The following COL24A1 variants were observed in gnomAD, a reference collection of about 807,000 sequenced individuals.
The protein encoded by COL24A1 is collagen alpha-1(XXIV) chain.
A neutral mutation model predicts 253.9 loss-of-function variants in COL24A1; 224 were observed. The observed-to-expected ratio is 0.88, with a 90% CI of 0.79 to 0.99. The LOEUF (loss-of-function observed/expected upper bound fraction) is 0.99. COL24A1 is among the 50% of genes least tolerant of loss of function. The pLI is 0.00. For missense variants in COL24A1, 2,131 were observed against 2,068.5 expected, an observed-to-expected ratio of 1.03 and a Z score of -0.59; for synonymous variants, 685 against 673.7, an observed-to-expected ratio of 1.02 and a Z score of -0.26.
intron 12 of COL24A1, among the ~76,000 whole-genome samples, chr1:86,037,350 T>C (rs1202967727): frequency 6.6e-6 from 1 of 152,178 alleles, no homozygotes; most frequent in Non-Finnish European, 1.5e-5. Context: ...CATGATTATG[T>C]TACACTATAT....
At chr1:85,987,745 C>T (rs1693853390) in intron 19 of COL24A1, 91 bp from the exon 20 acceptor site, 1 of 1,029,460 alleles carries the variant, frequency 9.7e-7, no homozygotes. Context: ...TCCTCCATAT[C>T]CAGTTAAAGC....
At chr1:85,877,823 T>C (rs963792238) in intron 32 of COL24A1, among the ~76,000 whole-genome samples, 5 of 152,220 alleles carry the variant, frequency 3.3e-5, no homozygotes, top group Non-Finnish European at 7.3e-5. Flanking sequence ...AGGTATCTTA[T>C]CTAATGTATG....
chr1:85,794,572 G>A (rs999230245), intron 47 of COL24A1, among the ~76,000 whole-genome samples: 1 of 152,114 alleles, frequency 6.6e-6, no homozygotes, highest in Admixed American at 6.5e-5. Flanking sequence ...AGAGTGTTCT[G>A]TTCAACGTTC....
chr1:85,907,028 A>G (rs151157156), intron 28 of COL24A1, among the ~76,000 whole-genome samples, 166 bp downstream of exon 28: 2 of 152,076 alleles, frequency 1.3e-5, no homozygotes, highest in African/African-American at 4.8e-5. Context: ...TATGAGTTGT[A>G]TTTCAATTAA....
At chr1:85,795,889 T>C (rs1325284939) in intron 47 of COL24A1, among the ~76,000 whole-genome samples, 1 of 152,150 alleles carries the variant, frequency 6.6e-6, no homozygotes, top group East Asian at 1.9e-4. Context: ...AAAACACTTC[T>C]GTTTAAGTAG....
chr1:86,121,009 G>A (rs1647251195), intron 3 of COL24A1, among the ~76,000 whole-genome samples: 1 of 152,118 alleles, frequency 6.6e-6, no homozygotes, highest in South Asian at 2.1e-4. Flanking sequence ...GGATGAAGCT[G>A]GAACCATCAT....
intron 11 of COL24A1, among the ~76,000 whole-genome samples, chr1:86,047,647 T>C (rs1251620551): frequency 2.0e-5 from 3 of 152,028 alleles, no homozygotes; most frequent in Non-Finnish European, 4.4e-5. Flanking sequence ...TTCATGTATA[T>C]ATACATATAT....
At chr1:85,901,130 T>C (rs1320029399) in intron 28 of COL24A1, among the ~76,000 whole-genome samples, 1 of 152,300 alleles carries the variant, frequency 6.6e-6, no homozygotes, top group East Asian at 1.9e-4. Context: ...ACCTGTTGAA[T>C]GAGAGAACAT....
chr1:86,121,861 C>A (rs1040498018), intron 3 of COL24A1, among the ~76,000 whole-genome samples: 3 of 152,138 alleles, frequency 2.0e-5, no homozygotes, highest in African/African-American at 7.2e-5. Flanking sequence ...ATCTTCTGAT[C>A]AAAAGAGTAT....
At chr1:85,974,131 A>G (rs1478251034) in intron 20 of COL24A1, among the ~76,000 whole-genome samples, 1 of 152,174 alleles carries the variant, frequency 6.6e-6, no homozygotes, top group Admixed American at 6.5e-5. Context: ...CAAATCCACT[A>G]TTAGAGAGGG....
intron 37 of COL24A1, among the ~76,000 whole-genome samples, chr1:85,851,030 T>A (rs1405563626): frequency 6.7e-6 from 1 of 149,878 alleles, no homozygotes; most frequent in Non-Finnish European, 1.5e-5. Flanking sequence ...TCTACATATA[T>A]ATATACATAT....
chr1:86,105,941 T>C (rs1024933423), intron 5 of COL24A1, among the ~76,000 whole-genome samples: 3 of 152,190 alleles, frequency 2.0e-5, no homozygotes, highest in East Asian at 1.9e-4. Context: ...AGCTTCTGTG[T>C]CTTCCCTCTG....
chr1:86,058,120 G>C, intron 9 of COL24A1, 145 bp from the exon 10 acceptor site: 4 of 526,628 alleles, frequency 7.6e-6, no homozygotes, highest in Non-Finnish European at 1.3e-5. Context: ...GATTACCAAT[G>C]TTCAAGGAAT....
rs139191470 is a variant in COL24A1, at chr1:85,984,852, C to T, written c.2364+2749G>A. Among the ~76,000 whole-genome samples the T allele has an allele frequency of 2.2e-3, 337 of 151,962 alleles. 2 individuals are homozygous for T. The highest frequency in any genetic ancestry group is 7.9e-3 in the African/African-American group (327 of 41,548). On this transcript the variant is annotated intron_variant, in intron 20 of 59. Transcript: ENST00000370571. ...GTTGCCTATTTAAGTTCAATGACAT[C>T]AGCAACCCAAGTCAAAGGCTGCTTT...
At chr1:85,933,597 A>T (rs532687678) in intron 24 of COL24A1, among the ~76,000 whole-genome samples, 4 of 152,336 alleles carry the variant, frequency 2.6e-5, no homozygotes, top group African/African-American at 9.6e-5. Flanking sequence ...GTACTTTCTG[A>T]AAGGCAGACT....
Position 86,156,405 on chromosome 1 carries a change from A to G in COL24A1, c.-9T>C. On this transcript the variant is annotated 5_prime_UTR_variant, in exon 1 of 60. It removes an upstream start codon present in the reference 5' UTR. Transcript: ENST00000370571. ...TGGGCTCTTAAATGCATTTGTATGC[A>G]TTTGTCCGTGCAGCAAAGCGCTAAC... The G allele has an allele frequency of 6.2e-7, 1 of 1,611,034 alleles. No homozygotes were observed. Among genetic ancestry groups the G allele is most frequent in the Non-Finnish European group, 8.5e-7 (1 of 1,178,582 alleles).
rs137941617 is a variant in COL24A1, at chr1:85,774,753, C to A, written c.4374+921G>T. ...CATTTTTTATTGCATCTGTTTGATT[C>A]TTCTCTCTTTTCTTCTTTATTAGTC... On this transcript the variant is annotated intron_variant, in intron 53 of 59. Coordinates refer to ENST00000370571, the MANE Select transcript of COL24A1 (RefSeq NM_152890.7). Among the ~76,000 whole-genome samples, 93 of 151,932 alleles carry A rather than the reference C, an allele frequency of 6.1e-4. No individual in the cohort carries two copies. The East Asian group carries it at 0.016, about 26-fold the overall frequency.
intron 20 of COL24A1, among the ~76,000 whole-genome samples, chr1:85,973,093 CAAAGTG>C (rs1692332658): frequency 6.6e-6 from 1 of 152,124 alleles, no homozygotes; most frequent in African/African-American, 2.4e-5. Flanking sequence ...TTTCAGAATT[CAAAGTG>C]AAAGATTTTA....
chr1:86,043,306 A>G (rs1463357820), intron 12 of COL24A1, among the ~76,000 whole-genome samples: 1 of 152,114 alleles, frequency 6.6e-6, no homozygotes, highest in African/African-American at 2.4e-5. Context: ...ATCAAAACAT[A>G]TCGTGTACCT....
Sources: allele counts gnomAD v4.1 joint callset (sites outside exome capture counted in the v4.1 genomes callset), GRCh38; gene constraint gnomAD v4.1.1; transcripts MANE v1.5; gene names NCBI Gene and HGNC (gene_info 2026-07-23, HGNC 2026-07-21).